Variants in CACNA1G observed in about 807,000 individuals in gnomAD.
CACNA1G encodes the protein calcium voltage-gated channel subunit alpha1 G.
CACNA1G carries 67 observed loss-of-function variants against 219.4 expected under a neutral mutation model. The observed-to-expected ratio is 0.31, with a 90% CI of 0.25 to 0.37. The LOEUF is 0.37. Ranked by LOEUF, CACNA1G falls within the 10% of genes least tolerant of loss-of-function variation. The pLI, the probability that CACNA1G is intolerant of heterozygous loss-of-function variation, is 1.00. For missense variants in CACNA1G, 2,380 were observed against 3,231.4 expected (o/e 0.74, Z 6.39); for synonymous variants, 1,296 against 1,345.3 (o/e 0.96, Z 0.80).
Position 50,626,662 on chromosome 17 carries a change from C to G in CACNA1G, c.7045C>G (p.Pro2349Ala), listed in dbSNP as rs541601922. ...DSKDPLASGPPDSMAASPSPK... is the reference protein window; with the variant it reads ...DSKDPLASGPADSMAASPSPK... ...CAAGGATCCCTTGGCCTCTGGCCCC[C>G]CTGACAGCATGGCTGCCTCGCCCTC... The change falls in exon 38 of 38, where the codon CCT (proline) becomes GCT (alanine). Residue 2349 changes from proline (P) to alanine (A), a missense_variant. Pro to Ala is a conservative substitution (Grantham distance 27). Coordinates refer to ENST00000359106, the MANE Select transcript of CACNA1G (RefSeq NM_018896.5). The surrounding 1 kb of genome is among the most constrained non-coding windows in gnomAD (Gnocchi z 4.3). 2.5e-5 allele frequency: 40 copies of G among 1,613,350 alleles called. No homozygotes were observed. The highest frequency in any genetic ancestry group is 6.7e-5 in the Admixed American group (4 of 60,024).
chr17:50,619,890 T>C (rs1409799487), intron 34 of CACNA1G, 64 bp downstream of exon 34: 1 of 1,475,370 alleles, frequency 6.8e-7, no homozygotes, highest in African/African-American at 1.4e-5. Context: ...CGCTGTGCCA[T>C]GCTTCTGGGG....
intron 3 of CACNA1G, 120 bp downstream of exon 3, chr17:50,569,418 C>A: frequency 1.8e-6 from 2 of 1,098,174 alleles, no homozygotes; most frequent in Non-Finnish European, 2.7e-6. Flanking sequence ...TTCTCCCTGG[C>A]TATCTCCTGA....
At position 50,591,959 on chromosome 17, in the gene CACNA1G, A is replaced by T; in HGVS notation, c.2777A>T (p.Asn926Ile). ...VFQILTQEDWNKVLYNGMAST... is the reference protein window; with the variant it reads ...VFQILTQEDWIKVLYNGMAST... ...CAGATCCTGACCCAGGAGGACTGGAACAAAGTCCTCTACAATGGTATGGCC... is the reference window on the plus strand; with the variant it reads ...CAGATCCTGACCCAGGAGGACTGGATCAAAGTCCTCTACAATGGTATGGCC... The change falls in exon 13 of 38, where the codon AAC (asparagine) becomes ATC (isoleucine). Residue 926 changes from asparagine to isoleucine, a missense_variant. Asn to Ile is a moderately radical substitution (Grantham distance 149). Transcript: ENST00000359106. 1 of 1,614,016 alleles carries T rather than the reference A, an allele frequency of 6.2e-7. No individual in the cohort carries two copies. The highest frequency in any genetic ancestry group is 8.5e-7 in the Non-Finnish European group (1 of 1,179,868).
At chr17:50,610,045 C>T (rs1346179738) in intron 26 of CACNA1G, 110 bp downstream of exon 26, 7 of 1,080,056 alleles carry the variant, frequency 6.5e-6, no homozygotes, top group African/African-American at 6.3e-5. Flanking sequence ...GTCCCTGGGG[C>T]CCCCAAGAGG....
chr17:50,627,435 CTA>C lies in CACNA1G; in HGVS notation c.*695_*696del, dbSNP rs768757826. 7.7e-6 allele frequency: 2 copies of C among 258,196 alleles called. No homozygotes were observed. The highest frequency in any genetic ancestry group is 7.6e-6 in the Non-Finnish European group (1 of 132,356). The allele number at this position is 258,196 out of a possible 1,614,324, so 16.0% of individuals were successfully genotyped here. A position where few individuals can be genotyped will look rare whatever the true frequency, so the allele number is the denominator to read the frequency against. ...CATACATACATATCTATCTATCTATCTATATATATATAAAATAAAGTAATTTT... is the reference window on the plus strand; with the variant it reads ...CATACATACATATCTATCTATCTATCTATATATATAAAATAAAGTAATTTT... On this transcript the variant is annotated 3_prime_UTR_variant, in exon 38 of 38. Coordinates refer to ENST00000359106, the MANE Select transcript of CACNA1G (RefSeq NM_018896.5).
At chr17:50,565,686 G>C (rs2037612671) in intron 1 of CACNA1G, among the ~76,000 whole-genome samples, 1 of 152,114 alleles carries the variant, frequency 6.6e-6, no homozygotes, top group Non-Finnish European at 1.5e-5. Flanking sequence ...TGTGCCCCTA[G>C]AGGTGTCCCA....
rs1283443139 is a variant in CACNA1G at position 50,576,055 on chromosome 17, G to C, written c.1653G>C (p.Glu551Asp). ...CCGGGGCCCCCCCTGGTGGCGCAGA[G>C]TCTGTGCACAGCTTCTACCATGCCG... ...ALSGAPPGGA[E>D]SVHSFYHADC... Residue 551 changes from glutamate to aspartate, a missense_variant, in exon 8 of 38, where the codon GAG (glutamate) becomes GAC (aspartate). By Grantham distance (45) the Glu-to-Asp change is conservative. This residue lies in a region of CACNA1G where 434 missense variants were observed against 417.3 expected (regional missense o/e 1.04). Transcript: ENST00000359106. 1 of 1,580,934 alleles carries C rather than the reference G, an allele frequency of 6.3e-7. No homozygotes were observed. The highest frequency in any genetic ancestry group is 8.6e-7 in the Non-Finnish European group (1 of 1,164,634).
At chr17:50,607,743 C>T (rs976111442) in intron 24 of CACNA1G, 84 bp from the exon 25 acceptor site, 42 of 1,209,708 alleles carry the variant, frequency 3.5e-5, no homozygotes, top group African/African-American at 6.0e-5. Flanking sequence ...TATTTGGGTT[C>T]GCAGGAACCC....
chr17:50,591,335 C>A, intron 10 of CACNA1G, 100 bp from the exon 11 acceptor site: 1 of 1,215,552 alleles, frequency 8.2e-7, no homozygotes. Context: ...TCTCGACGTG[C>A]CCACCCAGCC....
Position 50,596,437 on chromosome 17 carries a change from G to C in CACNA1G, c.2980-125G>C, listed in dbSNP as rs1056325636. The C allele has an allele frequency of 7.8e-6, 6 of 768,606 alleles. No homozygotes were observed. The highest frequency in any genetic ancestry group is 1.7e-5 in the African/African-American group (1 of 58,434). The allele number at this position is 768,606 out of a possible 1,614,324, so 47.6% of individuals were successfully genotyped here. On this transcript the variant is annotated intron_variant, in intron 14 of 37. Transcript: ENST00000359106. This position sits in a 1 kb window ranked among gnomAD's most constrained non-coding sequence, Gnocchi z 4.8. ...GTCTGGCCTGCGCCGTGCATGTCTC[G>C]TGCCGTGGTTGCTGGTTCCTGTGGC... is the stretch of plus-strand genomic sequence containing the variant.
At chr17:50,623,365 G>T (rs2052711130) in intron 35 of CACNA1G, among the ~76,000 whole-genome samples, 1 of 144,184 alleles carries the variant, frequency 6.9e-6, no homozygotes, top group Non-Finnish European at 1.5e-5. Context: ...GCCCACCTTG[G>T]CCTCCCAAAG....
rs2144765032 is a variant in CACNA1G, at chr17:50,572,779, A to G, written c.972A>G (p.Ser324=). The change falls in exon 6 of 38, where the codon TCA becomes TCG. Residue 324 remains serine, a synonymous_variant. Transcript: ENST00000359106. ...VNWNQYYTNC[S]AGEHNPFKGA... is the part of the protein sequence containing the mutation. ...GGAACCAGTACTACACCAACTGCTC[A>G]GCGGGGGAGCACAACCCCTTCAAGG... 1.9e-6 allele frequency: 3 copies of G among 1,614,036 alleles called. No individual in the cohort carries two copies. Among genetic ancestry groups the G allele is most frequent in the Middle Eastern group, 3.3e-4 (2 of 6,062 alleles).
Position 50,617,702 on chromosome 17 carries a change from C to T in CACNA1G, c.5155+131C>T. 7.0e-7 allele frequency: 1 copy of T among 1,431,572 alleles called. No individual in the cohort carries two copies. The highest frequency in any genetic ancestry group is 9.5e-7 in the Non-Finnish European group (1 of 1,051,546). 88.7% of individuals were successfully genotyped at this position (1,431,572 alleles called of 1,614,324 possible). On this transcript the variant is annotated intron_variant, in intron 29 of 37. Coordinates refer to ENST00000359106, the MANE Select transcript of CACNA1G (RefSeq NM_018896.5). This position sits in a 1 kb window ranked among gnomAD's most constrained non-coding sequence, Gnocchi z 5.8. ...CATGGGTCTTTCTCCCAGCTTCTGC[C>T]AAGGGAGGCTGGAGACAGGGCTGAG...
At chr17:50,611,203 G>A (rs552202761) in intron 26 of CACNA1G, among the ~76,000 whole-genome samples, 5 of 150,404 alleles carry the variant, frequency 3.3e-5, no homozygotes, top group Admixed American at 6.6e-5. Context: ...GCAGTGAGCC[G>A]AGATCACGCC....
chr17:50,613,628 G>T (rs1598675912), intron 26 of CACNA1G, among the ~76,000 whole-genome samples: 2 of 152,220 alleles, frequency 1.3e-5, no homozygotes, highest in East Asian at 3.9e-4. Flanking sequence ...GGCTAATAAG[G>T]AGCCGCTTTT....
At chr17:50,586,516 C>T (rs926218660) in intron 9 of CACNA1G, among the ~76,000 whole-genome samples, 14 of 152,234 alleles carry the variant, frequency 9.2e-5, no homozygotes, top group African/African-American at 3.4e-4. Context: ...CCCGTGGCTC[C>T]TGGGTTTTGC....
chr17:50,621,589 CGT>C lies in CACNA1G; in HGVS notation c.5926-65_5926-64del. 1 of 1,540,068 alleles carries C rather than the reference CGT, an allele frequency of 6.5e-7. No homozygotes were observed. Among genetic ancestry groups the C allele is most frequent in the Non-Finnish European group, 8.9e-7 (1 of 1,124,492 alleles). On this transcript the variant is annotated intron_variant, in intron 34 of 37. Transcript: ENST00000359106. This position sits in a 1 kb window ranked among gnomAD's most constrained non-coding sequence, Gnocchi z 4.6. Reference sequence around the variant, plus strand: ...GGGAAGTGGGGACTGAGAGAGAGCGCGTGTGTGCGTGTGCACGCGCGTGTGCG... The same window carrying C: ...GGGAAGTGGGGACTGAGAGAGAGCGCGTGTGCGTGTGCACGCGCGTGTGCG...
Position 50,572,731 on chromosome 17 carries a change from C to T in CACNA1G, c.924C>T (p.Ser308=). Residue 308 remains serine, a synonymous_variant, in exon 6 of 38, where the codon TCC becomes TCT. Coordinates refer to ENST00000359106, the MANE Select transcript of CACNA1G (RefSeq NM_018896.5). ...TGGACTATGAGGCCTACAACAGCTC[C>T]AGCAACACCACCTGTGTCAACTGGA... ...CGLDYEAYNS[S]SNTTCVNWNQ... 1.2e-6 allele frequency: 2 copies of T among 1,613,978 alleles called. No homozygotes were observed. The highest frequency in any genetic ancestry group is 1.7e-6 in the Non-Finnish European group (2 of 1,179,876).
rs198551 is a variant in CACNA1G at position 50,578,132 on chromosome 17, A to G, written c.1925-56A>G. ...CTCATTTTACACATACTCACAGGGCAGGGTAGCCCCAGGTACGAGACTCTG... is the reference window on the plus strand; with the variant it reads ...CTCATTTTACACATACTCACAGGGCGGGGTAGCCCCAGGTACGAGACTCTG... On this transcript the variant is annotated intron_variant, in intron 8 of 37. Transcript: ENST00000359106. The surrounding 1 kb of genome is among the most constrained non-coding windows in gnomAD (Gnocchi z 4.5). 0.56 allele frequency: 827,691 copies of G among 1,490,600 alleles called. 235,508 individuals are homozygous for G. The highest frequency in any genetic ancestry group is 0.95 in the East Asian group (41,085 of 43,410). 92.3% of individuals were successfully genotyped at this position (1,490,600 alleles called of 1,614,324 possible).
Sources: gnomAD v4.1 joint callset for allele counts (sites outside exome capture counted in the v4.1 genomes callset) on GRCh38, gnomAD v4.1.1 for gene constraint, gnomAD v4.1.1 regional missense constraint, Gnocchi (gnomAD v3.1) non-coding constraint, MANE v1.5 for transcripts, NCBI Gene and HGNC (gene_info 2026-07-23, HGNC 2026-07-21) for gene names.